Variants in FAM200B observed in about 807,000 individuals in gnomAD.
The protein encoded by FAM200B is protein FAM200B.
FAM200B carries 32 observed loss-of-function variants against 33.1 expected under a neutral mutation model. The ratio of observed to expected loss-of-function variants is 0.97; its 90% CI spans 0.73 to 1.30. The LOEUF (loss-of-function observed/expected upper bound fraction) is 1.30, where lower values mean the gene tolerates loss of function less well. FAM200B is among the 50% of genes most tolerant of loss of function. The pLI is 0.00. For missense variants in FAM200B, 741 were observed against 754.0 expected (o/e 0.98, Z 0.20); for synonymous variants, 240 against 264.8 (o/e 0.91, Z 0.91).
At chr4:15,647,272 A>AAACAAC in the FAM200B span, among the ~76,000 whole-genome samples, 7 of 141,010 alleles carry the variant, frequency 5.0e-5, no homozygotes, top group African/African-American at 1.6e-4. Flanking sequence ...AAATAAAAAT[A>AAACAAC]AACAACAACA....
chr4:15,669,879 C>T, the FAM200B span, among the ~76,000 whole-genome samples: 6 of 152,188 alleles, frequency 3.9e-5, no homozygotes, highest in East Asian at 1.2e-3. Context: ...TTCAACATTC[C>T]AACTTATCCA....
the FAM200B span, chr4:15,656,319 T>G: frequency 6.6e-6 from 3 of 456,116 alleles, no homozygotes; most frequent in East Asian, 1.4e-4. Context: ...CCGGTCAGTC[T>G]TAGATTGGTT....
At chr4:15,644,849 A>T in the FAM200B span, 2 of 632,502 alleles carry the variant, frequency 3.2e-6, no homozygotes, top group Non-Finnish European at 2.7e-6. Flanking sequence ...AAAGAAATTC[A>T]TAAATTAACA....
the FAM200B span, among the ~76,000 whole-genome samples, chr4:15,653,245 A>G: frequency 6.6e-6 from 1 of 152,224 alleles, no homozygotes; most frequent in African/African-American, 2.4e-5. Context: ...ACCATGTCAA[A>G]TTGAAAATGC....
At chr4:15,655,270 T>C in the FAM200B span, 1 of 1,433,470 alleles carries the variant, frequency 7.0e-7, no homozygotes, top group Non-Finnish European at 9.3e-7. Context: ...CGTCCACTTC[T>C]TCAGGAAAGG....
chr4:15,654,264 T>C, the FAM200B span, among the ~76,000 whole-genome samples: 1 of 152,246 alleles, frequency 6.6e-6, no homozygotes, highest in Non-Finnish European at 1.5e-5. Context: ...AGTTGGATCA[T>C]TTCCACAAGA....
the FAM200B span, among the ~76,000 whole-genome samples, chr4:15,660,109 C>T: frequency 4.7e-5 from 7 of 150,452 alleles, no homozygotes; most frequent in Non-Finnish European, 1.0e-4. Context: ...AAGAGGGTTT[C>T]ACTCTGTCAC....
At chr4:15,683,316 TC>T (rs1718520611) in intron 1 of FAM200B, among the ~76,000 whole-genome samples, 1 of 152,140 alleles carries the variant, frequency 6.6e-6, no homozygotes, top group Non-Finnish European at 1.5e-5. Context: ...AAAAAAAACT[TC>T]CCCATGCTTT....
chr4:15,643,582 T>TAA, the FAM200B span, among the ~76,000 whole-genome samples: 1 of 152,166 alleles, frequency 6.6e-6, no homozygotes, highest in Non-Finnish European at 1.5e-5. Context: ...AATTTTTATA[T>TAA]TTTTAGTAAA....
the FAM200B span, among the ~76,000 whole-genome samples, chr4:15,641,100 T>C: frequency 6.6e-6 from 1 of 152,100 alleles, no homozygotes; most frequent in Non-Finnish European, 1.5e-5. Context: ...TAAAATATCA[T>C]AAAAAGTCTA....
At chr4:15,652,245 G>A in the FAM200B span, among the ~76,000 whole-genome samples, 1 of 152,166 alleles carries the variant, frequency 6.6e-6, no homozygotes, top group African/African-American at 2.4e-5. Context: ...ATTAGCAGGA[G>A]ATTTCTTAGC....
chr4:15,647,222 CAAAAAAAAAA>C, the FAM200B span, among the ~76,000 whole-genome samples: 6 of 36,520 alleles, frequency 1.6e-4, no homozygotes, highest in Non-Finnish European at 3.0e-4. Flanking sequence ...GACTCCATCT[CAAAAAAAAAA>C]AAAAAAAAAA....
the FAM200B span, among the ~76,000 whole-genome samples, chr4:15,650,504 C>G: frequency 1.3e-5 from 2 of 152,036 alleles, no homozygotes; most frequent in Middle Eastern, 3.2e-3. Context: ...GAGCACTCTT[C>G]TACAGTAAAA....
At chr4:15,667,282 C>T in the FAM200B span, among the ~76,000 whole-genome samples, 59 of 152,222 alleles carry the variant, frequency 3.9e-4, no homozygotes, top group South Asian at 8.3e-4. Context: ...AGTACCTAGT[C>T]CAATGCTTGG....
chr4:15,650,054 T>C, the FAM200B span, among the ~76,000 whole-genome samples: 12 of 152,120 alleles, frequency 7.9e-5, no homozygotes, highest in African/African-American at 2.9e-4. Context: ...AAGGCAGTAA[T>C]TTTGCCACCC....
At chr4:15,650,104 G>A in the FAM200B span, among the ~76,000 whole-genome samples, 2 of 152,116 alleles carry the variant, frequency 1.3e-5, no homozygotes, top group Non-Finnish European at 2.9e-5. Context: ...AGATCTGGAG[G>A]CAGTTTTGGT....
At chr4:15,655,316 G>A in the FAM200B span, 682 of 1,361,634 alleles carry the variant, frequency 5.0e-4, 5 homozygotes, top group African/African-American at 9.3e-3. Context: ...CGCCTCAGCA[G>A]CCGCGGCCGC....
the FAM200B span, among the ~76,000 whole-genome samples, chr4:15,646,866 A>G: frequency 6.6e-6 from 1 of 151,888 alleles, no homozygotes; most frequent in South Asian, 2.1e-4. Flanking sequence ...TATTTTTTTA[A>G]TGGCAAAAAG....
the FAM200B span, among the ~76,000 whole-genome samples, chr4:15,671,743 T>C: frequency 6.6e-6 from 1 of 152,218 alleles, no homozygotes; most frequent in Non-Finnish European, 1.5e-5. Context: ...AGCTCACTGA[T>C]AGACTATTTT....
Sources: allele counts gnomAD v4.1 joint callset (sites outside exome capture counted in the v4.1 genomes callset), GRCh38; gene constraint gnomAD v4.1.1; transcripts MANE v1.5; gene names NCBI Gene and HGNC (gene_info 2026-07-23, HGNC 2026-07-21).